EMCN: variants seen among roughly 807,000 people sequenced by gnomAD.
The protein encoded by EMCN is MUC-14.
EMCN carries 37 observed loss-of-function variants against 38.4 expected under a neutral mutation model. The observed-to-expected ratio is 0.96, with a 90% confidence interval of 0.74 to 1.27. EMCN has a LOEUF of 1.27. EMCN is among the 50% of genes most tolerant of loss of function. The probability of loss-of-function intolerance (pLI) is 0.00; values close to 1 mark genes in which losing one functional copy is unlikely to be tolerated. For missense variants in EMCN, 318 were observed against 302.8 expected (o/e 1.05, Z -0.37); for synonymous variants, 95 against 100.8 (o/e 0.94, Z 0.35).
intron 5 of EMCN, among the ~76,000 whole-genome samples, chr4:100,445,101 G>A (rs1261031076): frequency 6.6e-6 from 1 of 152,154 alleles, no homozygotes; most frequent in Non-Finnish European, 1.5e-5. Context: ...CTGTGTTTCA[G>A]TGGTCTACAG....
At chr4:100,422,822 C>CTTTTTTTTTTTTTTTTTTT (rs71878999) in intron 7 of EMCN, among the ~76,000 whole-genome samples, 199 bp downstream of exon 7, 1 of 122,654 alleles carries the variant, frequency 8.2e-6, no homozygotes, top group Non-Finnish European at 1.9e-5. Flanking sequence ...TCTTTCTTTT[C>CTTTTTTTTTTTTTTTTTTT]TTTTTTTTTT....
rs572593992 is a variant in EMCN at position 100,490,794 on chromosome 4, G to T, written c.65-10755C>A. 6.8e-4 allele frequency among the ~76,000 whole-genome samples: 104 copies of T among 152,212 alleles called. 1 individual carries two copies. The South Asian group carries it at 0.012, about 18-fold the overall frequency. On this transcript the variant is annotated intron_variant, in intron 1 of 11. Transcript: ENST00000296420. Reference sequence around the variant, plus strand: ...TTAAACACTGCATGACTGTACTAGGGTTCCGTTTTCTCTACATCCTATCTA... The same window carrying T: ...TTAAACACTGCATGACTGTACTAGGTTTCCGTTTTCTCTACATCCTATCTA...
At chr4:100,410,409 A>G in intron 10 of EMCN, 54 bp from the exon 11 acceptor site, 1 of 1,521,790 alleles carries the variant, frequency 6.6e-7, no homozygotes, top group Admixed American at 1.9e-5. Flanking sequence ...AGTAAGGATG[A>G]AAATAAAGTT....
At chr4:100,471,780 T>C (rs758217992) in intron 3 of EMCN, among the ~76,000 whole-genome samples, 3 of 151,998 alleles carry the variant, frequency 2.0e-5, no homozygotes, top group Non-Finnish European at 4.4e-5. Flanking sequence ...ACTCAACATA[T>C]AGAAATCAAT....
chr4:100,468,635 G>T (rs1392282616), intron 3 of EMCN, among the ~76,000 whole-genome samples: 1 of 151,910 alleles, frequency 6.6e-6, no homozygotes, highest in Non-Finnish European at 1.5e-5. Flanking sequence ...GGTATATTTG[G>T]TTTTACATGA....
At chr4:100,405,876 T>A (rs1034688392) in intron 11 of EMCN, among the ~76,000 whole-genome samples, 4 of 151,930 alleles carry the variant, frequency 2.6e-5, no homozygotes, top group African/African-American at 9.7e-5. Context: ...TTGGTAGGGT[T>A]TTTTTATTAC....
In EMCN at chr4:100,480,012, A is replaced by G; in HGVS notation, c.92T>C (p.Leu31Pro). 6.3e-7 allele frequency: 1 copy of G among 1,580,576 alleles called. No homozygotes were observed. Among genetic ancestry groups the G allele is most frequent in the Non-Finnish European group, 8.6e-7 (1 of 1,164,758 alleles). The change falls in exon 2 of 12, where the codon CTT becomes CCT. Residue 31 changes from leucine to proline, a missense_variant. Physicochemically the swap from Leu to Pro is moderately conservative, Grantham distance 98. Transcript: ENST00000296420. The stretch of plus-strand genomic sequence containing the variant: ...AGATGGTTTTGTTGTAGTAACAACA[A>G]GTGAATTATTAGCTGCCTCTAAAAC... ...TGVLEAANNS[L>P]VVTTTKPSIT...
At chr4:100,453,119 T>G (rs1727895166) in intron 4 of EMCN, among the ~76,000 whole-genome samples, 2 of 151,910 alleles carry the variant, frequency 1.3e-5, no homozygotes, top group African/African-American at 2.4e-5. Flanking sequence ...AGGCAAGGAC[T>G]TCCTCTCTAA....
At chr4:100,414,348 CTTTTTTTTTT>C (rs5860622) in intron 10 of EMCN, among the ~76,000 whole-genome samples, 64 of 59,808 alleles carry the variant, frequency 1.1e-3, no homozygotes, top group South Asian at 5.7e-3. Context: ...TGCTTGAGCA[CTTTTTTTTTT>C]TTTTTTTTTT....
intron 3 of EMCN, among the ~76,000 whole-genome samples, chr4:100,470,643 T>C (rs1392876220): frequency 6.6e-6 from 1 of 151,886 alleles, no homozygotes; most frequent in African/African-American, 2.4e-5. Context: ...AAATGACCCA[T>C]CAATGACAAA....
intron 4 of EMCN, among the ~76,000 whole-genome samples, chr4:100,457,494 G>C (rs1282701003): frequency 6.6e-6 from 1 of 151,996 alleles, no homozygotes; most frequent in Non-Finnish European, 1.5e-5. Flanking sequence ...AGTTTATTGA[G>C]CATTTTTATC....
chr4:100,506,542 A>G (rs1171328712), intron 1 of EMCN, among the ~76,000 whole-genome samples: 3 of 152,154 alleles, frequency 2.0e-5, no homozygotes, highest in African/African-American at 7.2e-5. Flanking sequence ...TAACTGAATA[A>G]TATCATGAGG....
At chr4:100,458,940 C>T (rs1418663491) in intron 4 of EMCN, among the ~76,000 whole-genome samples, 1 of 152,052 alleles carries the variant, frequency 6.6e-6, no homozygotes, top group East Asian at 1.9e-4. Context: ...GTGCTAGAGG[C>T]TCTGTTCAGC....
chr4:100,416,048 G>GAT, intron 9 of EMCN, 89 bp from the exon 10 acceptor site: 1 of 746,582 alleles, frequency 1.3e-6, no homozygotes, highest in Non-Finnish European at 2.2e-6. Context: ...GAATGACGAA[G>GAT]ATACATATGC....
chr4:100,439,354 TTTTTGTTTTTTTG>T (rs1170020052), intron 5 of EMCN, among the ~76,000 whole-genome samples: 30 of 151,796 alleles, frequency 2.0e-4, no homozygotes, highest in Non-Finnish European at 3.8e-4. Flanking sequence ...TAGGTTTTAG[TTTTTGTTTTTTTG>T]TTTTGTTTTG....
intron 8 of EMCN, among the ~76,000 whole-genome samples, chr4:100,419,635 C>T (rs1050178847): frequency 1.3e-5 from 2 of 152,036 alleles, no homozygotes; most frequent in Non-Finnish European, 2.9e-5. Context: ...GCTTACTCAA[C>T]ACTCTCAGGC....
At position 100,418,415 on chromosome 4, in the gene EMCN, T is replaced by C. The variant is rs768465224; in HGVS notation, c.665-1274A>G. ...GTTACAAACAGTTCAATTATATTCATTGAGTTATTTCAAAATGTATCATTA... is the reference window on the plus strand; with the variant it reads ...GTTACAAACAGTTCAATTATATTCACTGAGTTATTTCAAAATGTATCATTA... On this transcript the variant is annotated intron_variant, in intron 8 of 11. Transcript: ENST00000296420. Among the ~76,000 whole-genome samples, 94 of 152,040 alleles carry C rather than the reference T, an allele frequency of 6.2e-4. 1 individual carries two copies. Among genetic ancestry groups the C allele is most frequent in the Non-Finnish European group, 3.5e-4 (24 of 68,008 alleles).
intron 4 of EMCN, among the ~76,000 whole-genome samples, chr4:100,457,979 T>C (rs544548109): frequency 6.6e-6 from 1 of 152,062 alleles, no homozygotes; most frequent in South Asian, 2.1e-4. Context: ...TACCCGGGCA[T>C]GGTAGTGGGT....
rs145948997 is a variant in EMCN at position 100,440,203 on chromosome 4, A to G, written c.415+7330T>C. ...TTTTAATTTTCTGTCTGGTTGATCT[A>G]TCTACTCTTTTTAAATTATTTTTTA... On this transcript the variant is annotated intron_variant, in intron 5 of 11. Coordinates refer to ENST00000296420, the MANE Select transcript of EMCN (RefSeq NM_016242.4). 1.3e-3 allele frequency among the ~76,000 whole-genome samples: 197 copies of G among 152,176 alleles called. 1 individual carries two copies. The highest frequency in any genetic ancestry group is 3.9e-3 in the African/African-American group (163 of 41,538).
Sources: allele counts gnomAD v4.1 joint callset (sites outside exome capture counted in the v4.1 genomes callset), GRCh38; gene constraint gnomAD v4.1.1; transcripts MANE v1.5; gene names NCBI Gene and HGNC (gene_info 2026-07-23, HGNC 2026-07-21).